The following TMEM117 variants were observed in gnomAD, a reference collection of about 807,000 sequenced individuals.
TMEM117 encodes the protein transmembrane protein 117.
In TMEM117, 27 loss-of-function variants were observed where a neutral mutation model predicts 52.4. The observed-to-expected ratio is 0.51, with a 90% CI of 0.38 to 0.71. The LOEUF (loss-of-function observed/expected upper bound fraction) is 0.71, where lower values mean the gene tolerates loss of function less well. Ranked by LOEUF, TMEM117 falls within the 30% of genes least tolerant of loss-of-function variation. The pLI is 0.00. For missense variants in TMEM117, 556 were observed against 630.5 expected (o/e 0.88, Z 1.26); for synonymous variants, 215 against 206.3 (o/e 1.04, Z -0.36).
chr12:44,016,430 C>G (rs754828793), intron 3 of TMEM117, among the ~76,000 whole-genome samples: 5 of 152,212 alleles, frequency 3.3e-5, no homozygotes, highest in Non-Finnish European at 7.3e-5. Context: ...TCCCTTTCTC[C>G]CTGTGTCCCA....
Position 44,218,966 on chromosome 12 carries a change from A to T in TMEM117, c.608+7579A>T, listed in dbSNP as rs189443393. 8.4e-3 allele frequency among the ~76,000 whole-genome samples: 1,272 copies of T among 152,314 alleles called. 8 individuals carry two copies. The highest frequency in any genetic ancestry group is 0.014 in the Non-Finnish European group (978 of 68,018). ...CCAGTGTGGGCAGAGCTTGCACAGT[A>T]CTGCACTGTATGGCGACAGTTATTC... On this transcript the variant is annotated intron_variant, in intron 5 of 7. Transcript: ENST00000266534.
chr12:44,333,797 A>T (rs570494981), intron 6 of TMEM117, among the ~76,000 whole-genome samples: 24 of 152,132 alleles, frequency 1.6e-4, no homozygotes, highest in Middle Eastern at 3.4e-3. Flanking sequence ...ATGGAGAAGT[A>T]AAGAGAGATA....
intron 3 of TMEM117, among the ~76,000 whole-genome samples, chr12:44,063,624 C>A (rs555630188): frequency 6.0e-5 from 9 of 148,802 alleles, no homozygotes; most frequent in African/African-American, 2.2e-4. Flanking sequence ...CGCCTCCCCC[C>A]ACCCCACAAC....
chr12:44,167,243 T>C (rs1046895588), intron 4 of TMEM117, among the ~76,000 whole-genome samples: 1 of 152,190 alleles, frequency 6.6e-6, no homozygotes, highest in Non-Finnish European at 1.5e-5. Flanking sequence ...TCTGAATGTA[T>C]TGTAGTCCTG....
the TMEM117 span, chr12:43,799,318 A>T: frequency 5.6e-6 from 5 of 895,508 alleles, no homozygotes; most frequent in South Asian, 9.8e-5. Flanking sequence ...ATCTCTAGTT[A>T]TCCTCCCACA....
At chr12:44,012,641 G>T (rs1592439744) in intron 3 of TMEM117, among the ~76,000 whole-genome samples, 1 of 151,584 alleles carries the variant, frequency 6.6e-6, no homozygotes, top group African/African-American at 2.4e-5. Context: ...CACTTGTTTT[G>T]ATCTGTAGCA....
intron 5 of TMEM117, among the ~76,000 whole-genome samples, chr12:44,288,056 T>C (rs1950658644): frequency 6.6e-6 from 1 of 152,216 alleles, no homozygotes; most frequent in Non-Finnish European, 1.5e-5. Flanking sequence ...CCTAACTAAC[T>C]GAGCCCTGGC....
At chr12:44,350,020 T>A (rs1467353095) in intron 6 of TMEM117, among the ~76,000 whole-genome samples, 3 of 151,974 alleles carry the variant, frequency 2.0e-5, no homozygotes, top group Non-Finnish European at 4.4e-5. Flanking sequence ...AAGTGGCCAG[T>A]TAATGGACTA....
In TMEM117 at chr12:44,379,914, A is replaced by T. The variant is rs529881755; in HGVS notation, c.898+3190A>T. 1.6e-4 allele frequency among the ~76,000 whole-genome samples: 25 copies of T among 152,266 alleles called. No individual in the cohort carries two copies. The South Asian group carries it at 5.0e-3, about 30-fold the overall frequency. On this transcript the variant is annotated intron_variant, in intron 7 of 7. Transcript: ENST00000266534. Reference sequence around the variant, plus strand: ...GATCCGTCAGGGGATGACAAACGTTAATGTGTATTGGAATCACCTGGAGAA... The same window carrying T: ...GATCCGTCAGGGGATGACAAACGTTTATGTGTATTGGAATCACCTGGAGAA...
rs947989035 is a variant in TMEM117 at position 44,370,505 on chromosome 12, C to CTTTTTTTTT, written c.769-6077_769-6069dup. 4.0e-4 allele frequency among the ~76,000 whole-genome samples: 48 copies of CTTTTTTTTT among 120,410 alleles called. 1 individual carries two copies. Among genetic ancestry groups the CTTTTTTTTT allele is most frequent in the African/African-American group, 1.6e-3 (47 of 30,102 alleles). The allele number at this position is 120,410 out of a possible 152,430, so 79.0% of individuals were successfully genotyped here. ...CCATTTATGTGAAACCACAGAGATT[C>CTTTTTTTTT]TTTTTTTTTTTTTTTTTTTTTGAGA... On this transcript the variant is annotated intron_variant, in intron 6 of 7. Transcript: ENST00000266534.
chr12:44,279,946 C>G (rs568151882), intron 5 of TMEM117, among the ~76,000 whole-genome samples: 1 of 152,302 alleles, frequency 6.6e-6, no homozygotes, highest in South Asian at 2.1e-4. Context: ...GAAATTCTCT[C>G]CTTCCCTAGA....
intron 3 of TMEM117, among the ~76,000 whole-genome samples, chr12:44,066,430 C>T (rs1257690957): frequency 6.6e-6 from 1 of 152,120 alleles, no homozygotes; most frequent in African/African-American, 2.4e-5. Flanking sequence ...CCTGTGTCAC[C>T]TGTTGAATTC....
intron 4 of TMEM117, among the ~76,000 whole-genome samples, chr12:44,182,284 A>G (rs1166889904): frequency 1.3e-5 from 2 of 152,132 alleles, no homozygotes; most frequent in African/African-American, 2.4e-5. Flanking sequence ...TAGATATACA[A>G]TCATGTCATC....
chr12:43,969,216 C>G (rs1417910289), intron 3 of TMEM117, among the ~76,000 whole-genome samples: 2 of 151,494 alleles, frequency 1.3e-5, no homozygotes, highest in African/African-American at 2.4e-5. Context: ...ATTTATCAAC[C>G]CTTTAAAACT....
chr12:44,300,405 A>G lies in TMEM117; in HGVS notation c.768+666A>G, dbSNP rs189351862. 2.6e-4 allele frequency among the ~76,000 whole-genome samples: 39 copies of G among 152,270 alleles called. No homozygotes were observed. In the East Asian group the frequency reaches 6.8e-3, roughly 26 times the overall value. On this transcript the variant is annotated intron_variant, in intron 6 of 7. Transcript: ENST00000266534. ...GCTATTTCTTGCTCATTAAATATCC[A>G]TCCATTTGTTAGACATTTTCTTATT...
intron 3 of TMEM117, among the ~76,000 whole-genome samples, chr12:44,085,165 A>C (rs985527166): frequency 3.3e-5 from 5 of 152,040 alleles, no homozygotes; most frequent in Non-Finnish European, 5.9e-5. Context: ...ATGTACAAAC[A>C]TTTCTCATTT....
At chr12:43,805,959 C>A in the TMEM117 span, 1 of 1,542,466 alleles carries the variant, frequency 6.5e-7, no homozygotes, top group Non-Finnish European at 8.7e-7. Flanking sequence ...AACCAGGCCG[C>A]CTCGAAAGCC....
chr12:44,268,395 C>T (rs780104713), intron 5 of TMEM117, among the ~76,000 whole-genome samples: 3 of 152,132 alleles, frequency 2.0e-5, no homozygotes, highest in South Asian at 4.2e-4. Context: ...CCACCCGCCT[C>T]GGCCTCTCCA....
At chr12:43,879,181 C>G (rs986147840) in intron 2 of TMEM117, among the ~76,000 whole-genome samples, 1 of 152,086 alleles carries the variant, frequency 6.6e-6, no homozygotes, top group East Asian at 1.9e-4. Flanking sequence ...AATTCAAAAT[C>G]AAACTATAAT....
Sources: gnomAD v4.1 joint callset for allele counts (sites outside exome capture counted in the v4.1 genomes callset) on GRCh38, gnomAD v4.1.1 for gene constraint, MANE v1.5 for transcripts, NCBI Gene and HGNC (gene_info 2026-07-23, HGNC 2026-07-21) for gene names.